Variants in XIRP2 observed in about 807,000 individuals in gnomAD.
XIRP2 encodes the protein xin actin-binding repeat-containing protein 2.
In XIRP2, 236 loss-of-function variants were observed where a neutral mutation model predicts 277.0. The observed-to-expected ratio is 0.85, with a 90% CI of 0.77 to 0.95. XIRP2 has a LOEUF of 0.95. XIRP2 is among the 40% of genes least tolerant of loss of function. The probability of loss-of-function intolerance (pLI) is 0.00; values close to 1 mark genes in which losing one functional copy is unlikely to be tolerated. For synonymous variants in XIRP2, 1,490 were observed against 1,416.5 expected, an observed-to-expected ratio of 1.05 and a Z score of -1.17; for missense variants, 4,640 against 4,157.5, an observed-to-expected ratio of 1.12 and a Z score of -3.19.
intron 2 of XIRP2, among the ~76,000 whole-genome samples, chr2:167,069,903 C>G (rs1180190324): frequency 6.6e-6 from 1 of 152,122 alleles, no homozygotes; most frequent in Non-Finnish European, 1.5e-5. Flanking sequence ...AGGAGTGCTG[C>G]TCTTCCATGA....
chr2:167,163,238 A>G (rs186461650), intron 3 of XIRP2, among the ~76,000 whole-genome samples: 58 of 152,310 alleles, frequency 3.8e-4, no homozygotes, highest in African/African-American at 1.3e-3. Context: ...TTAAGAAACC[A>G]TCAAACTGTT....
chr2:167,210,656 G>C, intron 3 of XIRP2, 79 bp from the exon 4 acceptor site: 1 of 1,531,290 alleles, frequency 6.5e-7, no homozygotes, highest in South Asian at 1.2e-5. Context: ...TATTTTAAAT[G>C]CTTCACCATT....
chr2:166,939,679 C>CAAAAAAAAAAAA (rs138977006), intron 2 of XIRP2, among the ~76,000 whole-genome samples: 5 of 90,650 alleles, frequency 5.5e-5, no homozygotes, highest in East Asian at 2.9e-4. Flanking sequence ...GACTCCATCA[C>CAAAAAAAAAAAA]AAAAAAAAAA....
intron 2 of XIRP2, among the ~76,000 whole-genome samples, chr2:166,942,772 G>A (rs555562650): frequency 5.5e-4 from 84 of 151,752 alleles, no homozygotes; most frequent in African/African-American, 2.0e-3. Flanking sequence ...ATCAGTATGA[G>A]GTTTTTTTTT....
intron 3 of XIRP2, among the ~76,000 whole-genome samples, chr2:167,193,424 C>G (rs1693406263): frequency 6.6e-6 from 1 of 152,104 alleles, no homozygotes; most frequent in African/African-American, 2.4e-5. Flanking sequence ...TATATTCTTT[C>G]CTGTAAAGCA....
At chr2:167,143,056 T>C (rs1056411515) in intron 3 of XIRP2, among the ~76,000 whole-genome samples, 33 of 152,306 alleles carry the variant, frequency 2.2e-4, no homozygotes, top group African/African-American at 7.2e-4. Context: ...GAGAAGTAGC[T>C]AGAATTCAGT....
At chr2:167,161,275 T>G (rs542274201) in intron 3 of XIRP2, among the ~76,000 whole-genome samples, 1 of 152,230 alleles carries the variant, frequency 6.6e-6, no homozygotes, top group South Asian at 2.1e-4. Flanking sequence ...AGTGGCCTTC[T>G]TCTCACAACT....
chr2:167,120,041 C>T (rs773705957), intron 2 of XIRP2, among the ~76,000 whole-genome samples: 2 of 151,998 alleles, frequency 1.3e-5, no homozygotes, highest in Non-Finnish European at 2.9e-5. Flanking sequence ...TCATAGAGCG[C>T]TAGTACTTCC....
rs539347460 is a variant in XIRP2 at position 167,084,609 on chromosome 2, C to A, written c.409-51300C>A. ...GTTGGTAAGCTATTGATTATTGCCACAATTTCAGATCCTGTTATTGGTCTA... is the reference window on the plus strand; with the variant it reads ...GTTGGTAAGCTATTGATTATTGCCAAAATTTCAGATCCTGTTATTGGTCTA... On this transcript the variant is annotated intron_variant, in intron 2 of 10. Coordinates refer to ENST00000409195, the MANE Select transcript of XIRP2 (RefSeq NM_152381.6). 2.6e-5 allele frequency among the ~76,000 whole-genome samples: 4 copies of A among 152,006 alleles called. No individual in the cohort carries two copies. The East Asian group carries it at 5.8e-4, about 22-fold the overall frequency.
intron 2 of XIRP2, among the ~76,000 whole-genome samples, chr2:166,970,273 C>T (rs1467894364): frequency 6.6e-6 from 1 of 151,882 alleles, no homozygotes; most frequent in Non-Finnish European, 1.5e-5. Flanking sequence ...TTTGACTTGC[C>T]ATTTAGGAAT....
At chr2:167,000,796 C>G (rs889413703) in intron 2 of XIRP2, among the ~76,000 whole-genome samples, 3 of 152,086 alleles carry the variant, frequency 2.0e-5, no homozygotes, top group African/African-American at 7.2e-5. Flanking sequence ...TTGATACAAT[C>G]ATAATGTCTT....
chr2:166,895,141 C>A (rs1037818183), intron 1 of XIRP2, among the ~76,000 whole-genome samples: 1 of 152,138 alleles, frequency 6.6e-6, no homozygotes, highest in Non-Finnish European at 1.5e-5. Flanking sequence ...CTGCCCAAGC[C>A]AACTCCTAAC....
chr2:167,036,751 C>T (rs1688517200), intron 2 of XIRP2, among the ~76,000 whole-genome samples: 1 of 151,978 alleles, frequency 6.6e-6, no homozygotes, highest in Non-Finnish European at 1.5e-5. Flanking sequence ...GGCTGTGTCC[C>T]CACCCAAATC....
intron 3 of XIRP2, chr2:167,187,290 G>A: frequency 1.0e-6 from 1 of 985,284 alleles, no homozygotes; most frequent in Non-Finnish European, 1.2e-6. Context: ...CCTATACAGA[G>A]CTCAGTTCCT....
chr2:167,059,640 A>T lies in XIRP2; in HGVS notation c.409-76269A>T, dbSNP rs140652041. On this transcript the variant is annotated intron_variant, in intron 2 of 10. Coordinates refer to ENST00000409195, the MANE Select transcript of XIRP2 (RefSeq NM_152381.6). Reference sequence around the variant, plus strand: ...AATGTCTTTCCTCCCACCTCCAGAGAACCCAAACATAGTGAGCAATAAGCA... The same window carrying T: ...AATGTCTTTCCTCCCACCTCCAGAGTACCCAAACATAGTGAGCAATAAGCA... Among the ~76,000 whole-genome samples the T allele has an allele frequency of 1.9e-3, 287 of 152,252 alleles. 2 individuals carry two copies. Among genetic ancestry groups the T allele is most frequent in the Admixed American group, 0.016 (250 of 15,286 alleles).
At chr2:167,069,473 G>A (rs1372165492) in intron 2 of XIRP2, among the ~76,000 whole-genome samples, 1 of 152,076 alleles carries the variant, frequency 6.6e-6, no homozygotes, top group Non-Finnish European at 1.5e-5. Context: ...TCCCTCTAGT[G>A]TGTCCCACAC....
intron 3 of XIRP2, among the ~76,000 whole-genome samples, chr2:167,147,653 C>A (rs1052781167): frequency 2.0e-5 from 3 of 152,092 alleles, no homozygotes; most frequent in Non-Finnish European, 4.4e-5. Flanking sequence ...AAAGTAGAAC[C>A]GTTTATAGAA....
intron 9 of XIRP2, among the ~76,000 whole-genome samples, chr2:167,253,030 G>A (rs1695560002): frequency 6.6e-6 from 1 of 151,806 alleles, no homozygotes; most frequent in South Asian, 2.1e-4. Context: ...TCCTCTACTA[G>A]AACCAAATAA....
At chr2:167,022,491 C>T (rs1463834927) in intron 2 of XIRP2, among the ~76,000 whole-genome samples, 2 of 151,972 alleles carry the variant, frequency 1.3e-5, no homozygotes, top group African/African-American at 4.8e-5. Flanking sequence ...GGTACATGTG[C>T]ACAACGTGCA....
Sources: allele counts gnomAD v4.1 joint callset (sites outside exome capture counted in the v4.1 genomes callset), GRCh38; gene constraint gnomAD v4.1.1; transcripts MANE v1.5; gene names NCBI Gene and HGNC (gene_info 2026-07-23, HGNC 2026-07-21).